The following PPARGC1A variants were observed in gnomAD, a reference collection of about 807,000 sequenced individuals.
The protein encoded by PPARGC1A is peroxisome proliferator-activated receptor gamma coactivator 1-alpha.
In PPARGC1A, 25 loss-of-function variants were observed where a neutral mutation model predicts 88.7. The ratio of observed to expected loss-of-function variants is 0.28; its 90% CI spans 0.21 to 0.39. PPARGC1A has a LOEUF of 0.39. Ranked by LOEUF, PPARGC1A falls within the 10% of genes least tolerant of loss-of-function variation. PPARGC1A has a pLI of 1.00. For synonymous variants in PPARGC1A, 363 were observed against 355.6 expected (o/e 1.02, Z -0.24); for missense variants, 880 against 968.7 (o/e 0.91, Z 1.22).
At chr4:24,059,343 T>C in the PPARGC1A span, among the ~76,000 whole-genome samples, 2 of 152,188 alleles carry the variant, frequency 1.3e-5, 1 homozygote, top group South Asian at 4.1e-4. Context: ...ACCCAAAGTA[T>C]CATTTGTTTA....
chr4:24,098,496 C>T, the PPARGC1A span, among the ~76,000 whole-genome samples: 21 of 152,210 alleles, frequency 1.4e-4, no homozygotes, highest in South Asian at 4.2e-3. Context: ...CATAATAAAC[C>T]AGGAAGGACT....
At chr4:24,145,602 G>A in the PPARGC1A span, among the ~76,000 whole-genome samples, 3 of 152,128 alleles carry the variant, frequency 2.0e-5, no homozygotes, top group East Asian at 5.8e-4. Flanking sequence ...TTCCCAGCTT[G>A]GGTAATCCCA....
At chr4:24,401,058 G>C in the PPARGC1A span, among the ~76,000 whole-genome samples, 1 of 117,366 alleles carries the variant, frequency 8.5e-6, no homozygotes, top group Non-Finnish European at 1.6e-5. Context: ...TCGCTCTGTC[G>C]CCCAGGTTGG....
the PPARGC1A span, among the ~76,000 whole-genome samples, chr4:24,229,476 G>A: frequency 6.6e-6 from 1 of 151,098 alleles, no homozygotes; most frequent in African/African-American, 2.4e-5. Flanking sequence ...AGTTCTCCAA[G>A]TAATTCTATC....
At chr4:23,915,157 A>T in the PPARGC1A span, among the ~76,000 whole-genome samples, 1 of 152,160 alleles carries the variant, frequency 6.6e-6, no homozygotes, top group Non-Finnish European at 1.5e-5. Context: ...TAATGTTTAA[A>T]ATTTATTTTC....
At chr4:23,873,620 T>C (rs1302901423) in intron 2 of PPARGC1A, among the ~76,000 whole-genome samples, 4 of 88,492 alleles carry the variant, frequency 4.5e-5, no homozygotes, top group African/African-American at 1.3e-4. Context: ...TCTGCATCTC[T>C]TTAGATGATT....
the PPARGC1A span, among the ~76,000 whole-genome samples, chr4:23,981,914 T>C: frequency 6.6e-6 from 1 of 152,026 alleles, no homozygotes; most frequent in Non-Finnish European, 1.5e-5. Flanking sequence ...TAAGAGTAAC[T>C]GAATCGAAGA....
chr4:24,098,837 ATAATG>A, the PPARGC1A span, among the ~76,000 whole-genome samples: 1 of 152,356 alleles, frequency 6.6e-6, no homozygotes, highest in African/African-American at 2.4e-5. Flanking sequence ...CCGAAGCAAA[ATAATG>A]TAATAAAAAA....
chr4:24,210,235 G>T, the PPARGC1A span, among the ~76,000 whole-genome samples: 1 of 152,146 alleles, frequency 6.6e-6, no homozygotes, highest in Non-Finnish European at 1.5e-5. Context: ...GATTAAATAA[G>T]ATCACTGGTA....
At chr4:24,326,683 C>T in the PPARGC1A span, among the ~76,000 whole-genome samples, 2 of 152,190 alleles carry the variant, frequency 1.3e-5, no homozygotes, top group African/African-American at 2.4e-5. Context: ...CCCTACTGAT[C>T]GTGTCCAGCT....
the PPARGC1A span, among the ~76,000 whole-genome samples, chr4:24,077,779 C>A: frequency 1.1e-3 from 169 of 151,844 alleles, 1 homozygote; most frequent in Middle Eastern, 6.8e-3. Context: ...CAGTTCTCTT[C>A]CCTCCATTTT....
At chr4:23,902,981 A>C (rs1719590514), upstream of PPARGC1A, among the ~76,000 whole-genome samples, 1 of 152,204 alleles carries the variant, frequency 6.6e-6, no homozygotes, top group Non-Finnish European at 1.5e-5. Flanking sequence ...TCTTCTTTGC[A>C]ACTAATAAAA....
chr4:23,924,277 T>TG, the PPARGC1A span, among the ~76,000 whole-genome samples: 2 of 152,172 alleles, frequency 1.3e-5, no homozygotes. Context: ...CTCCCTTTTT[T>TG]GGGGGGACTG....
chr4:23,976,318 G>A, the PPARGC1A span, among the ~76,000 whole-genome samples: 1 of 152,156 alleles, frequency 6.6e-6, no homozygotes, highest in African/African-American at 2.4e-5. Context: ...CTGATCTCTG[G>A]GGAAAGACAT....
At chr4:23,927,654 C>T in the PPARGC1A span, among the ~76,000 whole-genome samples, 1 of 152,036 alleles carries the variant, frequency 6.6e-6, no homozygotes, top group Non-Finnish European at 1.5e-5. Context: ...TGCAGTAGCC[C>T]CAGGCAGCCT....
the PPARGC1A span, among the ~76,000 whole-genome samples, chr4:24,232,409 A>G: frequency 3.3e-4 from 51 of 152,340 alleles, 2 homozygotes; most frequent in East Asian, 3.3e-3. Flanking sequence ...TATTAGCTCC[A>G]TATACCTGTC....
intron 1 of PPARGC1A, among the ~76,000 whole-genome samples, chr4:23,898,420 G>A (rs1718867580): frequency 6.6e-6 from 1 of 152,102 alleles, no homozygotes; most frequent in Non-Finnish European, 1.5e-5. Flanking sequence ...TTAGTCACAG[G>A]AAAATTAACT....
At chr4:23,809,243 AC>A (rs971956069) in intron 10 of PPARGC1A, among the ~76,000 whole-genome samples, 2 of 152,184 alleles carry the variant, frequency 1.3e-5, no homozygotes, top group African/African-American at 4.8e-5. Flanking sequence ...ATAAAAATAT[AC>A]TTTGGGGATG....
At chr4:24,191,220 A>G in the PPARGC1A span, among the ~76,000 whole-genome samples, 1 of 152,252 alleles carries the variant, frequency 6.6e-6, no homozygotes, top group African/African-American at 2.4e-5. Context: ...TAGGGTCAAC[A>G]GCAGCTTGGA....
Sources: gnomAD v4.1 joint callset for allele counts (sites outside exome capture counted in the v4.1 genomes callset) on GRCh38, gnomAD v4.1.1 for gene constraint, MANE v1.5 for transcripts, NCBI Gene and HGNC (gene_info 2026-07-23, HGNC 2026-07-21) for gene names.